The following ARID1B variants were observed in gnomAD, a reference collection of about 807,000 sequenced individuals.
ARID1B encodes the protein AT-rich interaction domain 1B, also known as AT-rich interactive domain-containing protein 1B.
A neutral mutation model predicts 212.3 loss-of-function variants in ARID1B; 30 were observed. That is an observed-to-expected ratio of 0.14 (90% CI 0.11 to 0.19). ARID1B has a LOEUF of 0.19. Among genes scored for constraint, ARID1B ranks in the 10% least tolerant of loss-of-function variants. The pLI is 1.00. For missense variants in ARID1B, 2,891 were observed against 3,204.0 expected (o/e 0.90, Z 2.36); for synonymous variants, 1,402 against 1,301.7 (o/e 1.08, Z -1.66).
chr6:157,199,633 A>C (rs1793966558), intron 17 of ARID1B, among the ~76,000 whole-genome samples: 1 of 150,760 alleles, frequency 6.6e-6, no homozygotes, highest in African/African-American at 2.4e-5. Flanking sequence ...ATCATTTTTC[A>C]TTTATTTAAT....
chr6:157,005,623 T>G (rs1487447496), intron 4 of ARID1B, among the ~76,000 whole-genome samples: 9 of 152,198 alleles, frequency 5.9e-5, no homozygotes, highest in Non-Finnish European at 2.9e-5. Flanking sequence ...CTTCTGTTAG[T>G]GATTTGTTCA....
At chr6:156,830,063 G>A (rs979903670) in intron 2 of ARID1B, among the ~76,000 whole-genome samples, 2 of 152,004 alleles carry the variant, frequency 1.3e-5, no homozygotes, top group African/African-American at 2.4e-5. Context: ...GGAATCAAAT[G>A]GAGTCACCTT....
In ARID1B at chr6:157,196,324, T is replaced by A. The variant is rs569565478; in HGVS notation, c.4382+9T>A. On this transcript the variant is annotated intron_variant, in intron 16 of 19. Transcript: ENST00000636930. Reference sequence around the variant, plus strand: ...GCCAGTTACGACCGAAGGTGAGTATTTTTTAAGATGACAATATGATGATTT... The same window carrying A: ...GCCAGTTACGACCGAAGGTGAGTATATTTTAAGATGACAATATGATGATTT... 1.1e-5 allele frequency: 18 copies of A among 1,583,816 alleles called. No homozygotes were observed. The East Asian group carries it at 3.1e-4, about 28-fold the overall frequency.
chr6:157,147,512 C>T (rs1373614057), intron 7 of ARID1B, among the ~76,000 whole-genome samples: 2 of 44,080 alleles, frequency 4.5e-5, no homozygotes, highest in Admixed American at 1.8e-4. Flanking sequence ...GTCCCTCACC[C>T]CCGCCTCCGG....
chr6:157,094,015 C>T lies in ARID1B; in HGVS notation c.2491+9110C>T, dbSNP rs867069187. On this transcript the variant is annotated intron_variant, in intron 5 of 19. Transcript: ENST00000636930. The surrounding 1 kb of genome is among the most constrained non-coding windows in gnomAD (Gnocchi z 4.3). ...CAGGAAATACATAAATAACTACATA[C>T]TTTATTGTCAGGTAGTCAAGGAAAA... Among the ~76,000 whole-genome samples, 1 of 152,262 alleles carries T rather than the reference C, an allele frequency of 6.6e-6. No individual in the cohort carries two copies. The highest frequency in any genetic ancestry group is 2.4e-5 in the African/African-American group (1 of 41,542).
At chr6:156,856,716 A>T (rs762202061) in intron 2 of ARID1B, among the ~76,000 whole-genome samples, 16,558 of 123,156 alleles carry the variant, frequency 0.13, 1,105 homozygotes, top group East Asian at 0.26. Context: ...ACACACACAC[A>T]CACACACACA....
intron 2 of ARID1B, among the ~76,000 whole-genome samples, chr6:156,896,230 A>G (rs1398654535): frequency 6.6e-6 from 1 of 152,128 alleles, no homozygotes; most frequent in Non-Finnish European, 1.5e-5. Flanking sequence ...AACAAGGCGC[A>G]TGGCCGGGTC....
intron 2 of ARID1B, among the ~76,000 whole-genome samples, chr6:156,833,440 G>A (rs1484146538): frequency 6.6e-6 from 1 of 152,070 alleles, no homozygotes; most frequent in Non-Finnish European, 1.5e-5. Flanking sequence ...TGTAGACTGA[G>A]ATTTTTCCTG....
At chr6:156,869,632 C>T (rs990256828) in intron 2 of ARID1B, among the ~76,000 whole-genome samples, 2 of 152,130 alleles carry the variant, frequency 1.3e-5, no homozygotes, top group Non-Finnish European at 2.9e-5. Flanking sequence ...CTTTTCTTCA[C>T]CCTTTTAGTA....
chr6:156,981,880 A>G (rs1252940380), intron 4 of ARID1B, among the ~76,000 whole-genome samples: 2 of 152,100 alleles, frequency 1.3e-5, no homozygotes, highest in African/African-American at 4.8e-5. Context: ...TGCAGTCTTC[A>G]TGCGGTCATA....
At chr6:156,932,163 A>T (rs1297969715) in intron 3 of ARID1B, among the ~76,000 whole-genome samples, 1 of 149,674 alleles carries the variant, frequency 6.7e-6, no homozygotes, top group Non-Finnish European at 1.5e-5. Flanking sequence ...GGCGGGGTGA[A>T]GAAATACCAA....
intron 4 of ARID1B, among the ~76,000 whole-genome samples, chr6:157,031,636 TA>T (rs1170643097): frequency 2.6e-5 from 4 of 152,140 alleles, no homozygotes; most frequent in Admixed American, 6.5e-5. Flanking sequence ...ATGATATCTA[TA>T]ATCACTGGAA....
chr6:156,990,007 T>C (rs950894515), intron 4 of ARID1B, among the ~76,000 whole-genome samples: 3 of 152,158 alleles, frequency 2.0e-5, no homozygotes, highest in African/African-American at 7.2e-5. Context: ...AAATTTCTTA[T>C]ACAGAAAGTA....
rs893932227 is a variant in ARID1B at position 157,206,607 on chromosome 6, C to T, written c.5835C>T (p.Gly1945=). Residue 1945 remains glycine (G), a synonymous_variant, in exon 20 of 20, where the codon GGC becomes GGT. Transcript: ENST00000636930. The surrounding 1 kb of genome is among the most constrained non-coding windows in gnomAD (Gnocchi z 6.8). The stretch of plus-strand genomic sequence containing the variant: ...GTGGCCTTCTGCACTGGCAGCTCGG[C>T]GGGGGTGACACCACCGAGCACATTC... ...FNSGLLHWQL[G]GGDTTEHIQT... 37 of 1,613,684 alleles carry T rather than the reference C, an allele frequency of 2.3e-5. No individual in the cohort carries two copies. The highest frequency in any genetic ancestry group is 2.8e-5 in the Non-Finnish European group (33 of 1,179,998).
intron 2 of ARID1B, among the ~76,000 whole-genome samples, chr6:156,850,152 C>T (rs1173519080): frequency 6.6e-6 from 1 of 151,574 alleles, no homozygotes; most frequent in African/African-American, 2.4e-5. Flanking sequence ...ACAGGCTGCA[C>T]TGTACACAAT....
chr6:157,021,670 C>A (rs1361666130), intron 4 of ARID1B, among the ~76,000 whole-genome samples: 5 of 152,154 alleles, frequency 3.3e-5, no homozygotes, highest in African/African-American at 7.2e-5. Context: ...GAGGCGCCGG[C>A]CGCAGCCACA....
Position 157,133,102 on chromosome 6 carries a change from C to T in ARID1B, c.2656C>T (p.Pro886Ser). The change falls in exon 7 of 20, where the codon CCT becomes TCT. Residue 886 changes from proline to serine, a missense_variant. Transcript: ENST00000636930. ...TCAACAGACAGGACCATCCATGTCG[C>T]CTCATCCTTCTCCTGGGGGCCAGAT... Reference protein sequence around the residue: ...GPQQTGPSMSPHPSPGGQMHA... With the variant: ...GPQQTGPSMSSHPSPGGQMHA... 1 of 1,614,188 alleles carries T rather than the reference C, an allele frequency of 6.2e-7. No homozygotes were observed. Among genetic ancestry groups the T allele is most frequent in the Non-Finnish European group, 8.5e-7 (1 of 1,180,040 alleles).
At chr6:156,830,775 A>G (rs1387057767) in intron 2 of ARID1B, among the ~76,000 whole-genome samples, 2 of 152,154 alleles carry the variant, frequency 1.3e-5, no homozygotes, top group African/African-American at 2.4e-5. Flanking sequence ...AAGAAATAAA[A>G]TAAGTCTTTT....
At chr6:157,181,220 G>A (rs374011322) in intron 12 of ARID1B, 42 bp downstream of exon 12, 1 of 1,601,320 alleles carries the variant, frequency 6.2e-7, no homozygotes, top group Non-Finnish European at 8.5e-7. Flanking sequence ...GAAGCATTGT[G>A]GATAAGTTCT....
Sources: allele counts gnomAD v4.1 joint callset (sites outside exome capture counted in the v4.1 genomes callset), GRCh38; gene constraint gnomAD v4.1.1; non-coding constraint Gnocchi (gnomAD v3.1); transcripts MANE v1.5; gene names NCBI Gene and HGNC (gene_info 2026-07-23, HGNC 2026-07-21).